Variants in ATP10B observed in about 807,000 individuals in gnomAD.
The protein encoded by ATP10B is ATPase phospholipid transporting 10B (putative).
Under a neutral mutation model 141.2 loss-of-function variants are expected in ATP10B, and 122 were observed. That is an observed-to-expected ratio of 0.86 (90% CI 0.75 to 1.00). ATP10B has a LOEUF of 1.00. Among genes scored for constraint, ATP10B ranks in the 50% least tolerant of loss-of-function variants. ATP10B has a pLI of 0.00. For missense variants in ATP10B, 1,876 were observed against 1,825.3 expected (o/e 1.03, Z -0.51); for synonymous variants, 685 against 692.0 (o/e 0.99, Z 0.16).
upstream of ATP10B, among the ~76,000 whole-genome samples, chr5:160,852,430 A>G (rs979090862): frequency 2.6e-5 from 4 of 152,248 alleles, no homozygotes; most frequent in African/African-American, 9.6e-5. Flanking sequence ...AATGCATGTA[A>G]TTAAGTGTGA....
intron 1 of ATP10B, among the ~76,000 whole-genome samples, chr5:160,835,681 A>G (rs1295130325): frequency 6.6e-6 from 1 of 152,166 alleles, no homozygotes; most frequent in African/African-American, 2.4e-5. Context: ...TCTGTCAAGC[A>G]GCTGTTGCTT....
At chr5:160,592,409 T>G (rs192289535) in intron 22 of ATP10B, among the ~76,000 whole-genome samples, 2 of 152,292 alleles carry the variant, frequency 1.3e-5, no homozygotes, top group Non-Finnish European at 2.9e-5. Context: ...TAATGTGTGA[T>G]ATAATTAAGA....
chr5:160,765,711 A>G (rs1053829093), intron 2 of ATP10B, among the ~76,000 whole-genome samples: 1 of 152,084 alleles, frequency 6.6e-6, no homozygotes, highest in Non-Finnish European at 1.5e-5. Context: ...AGATAAATAG[A>G]TGGAACTTAA....
chr5:160,798,236 C>T (rs191237712), intron 1 of ATP10B, among the ~76,000 whole-genome samples: 1 of 152,254 alleles, frequency 6.6e-6, no homozygotes, highest in Admixed American at 6.5e-5. Context: ...TAGAGCTCAG[C>T]TGGTGAAGTT....
At chr5:160,716,076 A>G (rs186397138) in intron 3 of ATP10B, among the ~76,000 whole-genome samples, 22 of 152,282 alleles carry the variant, frequency 1.4e-4, no homozygotes, top group African/African-American at 4.8e-4. Context: ...TCACATCTAT[A>G]TACATACCTT....
At chr5:160,855,892 A>G (rs1442973636), upstream of ATP10B, among the ~76,000 whole-genome samples, 1 of 151,786 alleles carries the variant, frequency 6.6e-6, no homozygotes, top group East Asian at 1.9e-4. Flanking sequence ...AAAAAAAAAA[A>G]TTAGTTGCAT....
rs77277909 is a variant in ATP10B, at chr5:160,603,273, C to T, written c.3238-571G>A. ...TAAACTTTGGTCTAATTCCCTGTGC[C>T]TCAGTTTCCCCATCTAAAAAATGGA... On this transcript the variant is annotated intron_variant, in intron 20 of 25. Transcript: ENST00000327245. 1,433 of 154,512 alleles carry T rather than the reference C, an allele frequency of 9.3e-3. 18 individuals carry two copies. Among genetic ancestry groups the T allele is most frequent in the African/African-American group, 0.033 (1,351 of 41,554 alleles). 9.6% of individuals were successfully genotyped at this position (154,512 alleles called of 1,614,324 possible).
intron 24 of ATP10B, among the ~76,000 whole-genome samples, chr5:160,585,291 T>C (rs889739447): frequency 6.6e-6 from 1 of 152,230 alleles, no homozygotes; most frequent in Non-Finnish European, 1.5e-5. Flanking sequence ...AATGACAATA[T>C]TTTATTTTCA....
At chr5:160,796,112 T>C (rs1431901339) in intron 1 of ATP10B, among the ~76,000 whole-genome samples, 2 of 151,982 alleles carry the variant, frequency 1.3e-5, no homozygotes, top group Non-Finnish European at 2.9e-5. Context: ...ATATTTAGAG[T>C]AAAAACAGAT....
chr5:160,672,297 T>C (rs1437506544), intron 6 of ATP10B, among the ~76,000 whole-genome samples: 1 of 152,076 alleles, frequency 6.6e-6, no homozygotes, highest in African/African-American at 2.4e-5. Flanking sequence ...TTCAAAGAAC[T>C]CTCATTTCAG....
chr5:160,641,879 A>C (rs1251509525), intron 9 of ATP10B, among the ~76,000 whole-genome samples: 3 of 152,192 alleles, frequency 2.0e-5, no homozygotes, highest in Admixed American at 6.5e-5. Flanking sequence ...GGAGCAAAAA[A>C]ACTCTAGGCT....
In ATP10B at chr5:160,563,243, T is replaced by C. The variant is rs185941175; in HGVS notation, c.*2210A>G. 9.8e-5 allele frequency: 15 copies of C among 152,286 alleles called. No homozygotes were observed. Among genetic ancestry groups the C allele is most frequent in the Non-Finnish European group, 1.6e-4 (11 of 68,012 alleles). 9.4% of individuals were successfully genotyped at this position (152,286 alleles called of 1,614,324 possible). ...TCATTAGCATTATGTTATAGGGGAA[T>C]AGTGGTTATAACTTTTCCCTGTAAG... On this transcript the variant is annotated 3_prime_UTR_variant, in exon 26 of 26. Coordinates refer to ENST00000327245, the MANE Select transcript of ATP10B (RefSeq NM_025153.3).
At position 160,565,856 on chromosome 5, in the gene ATP10B, A is replaced by T; in HGVS notation, c.3983T>A (p.Ile1328Asn). 1 of 1,613,716 alleles carries T rather than the reference A, an allele frequency of 6.2e-7. No homozygotes were observed. Among genetic ancestry groups the T allele is most frequent in the Non-Finnish European group, 8.5e-7 (1 of 1,179,894 alleles). ...SLQGTCGKSL[I>N]SKAQKIDKLP... ...TTTGTCAATTTTCTGAGCTTTTGAG[A>T]TTAGAGACTTCCCACAAGTTCCTTG... is the stretch of plus-strand genomic sequence containing the variant. Residue 1328 changes from isoleucine to asparagine, a missense_variant, in exon 26 of 26, where the codon ATC becomes AAC. Ile to Asn is a moderately radical substitution (Grantham distance 149). Transcript: ENST00000327245.
chr5:160,794,897 T>C (rs1238556966), intron 1 of ATP10B, among the ~76,000 whole-genome samples: 1 of 152,180 alleles, frequency 6.6e-6, no homozygotes, highest in Admixed American at 6.6e-5. Context: ...TTTATTGTTA[T>C]TGTTGTTGTC....
chr5:160,848,502 C>T (rs1753574516), intron 1 of ATP10B, among the ~76,000 whole-genome samples: 1 of 152,216 alleles, frequency 6.6e-6, no homozygotes, highest in Non-Finnish European at 1.5e-5. Context: ...AATACATTCA[C>T]TGCCATATCA....
At chr5:160,884,397 G>A in the ATP10B span, among the ~76,000 whole-genome samples, 1 of 152,198 alleles carries the variant, frequency 6.6e-6, no homozygotes, top group African/African-American at 2.4e-5. Context: ...GTATAAAGAT[G>A]TTAGGTAGTA....
At position 160,598,838 on chromosome 5, in the gene ATP10B, C is replaced by A; in HGVS notation, c.3496G>T (p.Asp1166Tyr). ...AGTGTTTCTGCAGAGATGTCTTTGT[C>A]AAGGACTCCAAAGACAAGAGGAGGC... Reference protein sequence around the residue: ...SLPPLVFGVLDKDISAETLLA... With the variant: ...SLPPLVFGVLYKDISAETLLA... The change falls in exon 22 of 26, where the codon GAC (aspartate) becomes TAC (tyrosine). Residue 1166 changes from aspartate to tyrosine, a missense_variant. Physicochemically the swap from Asp to Tyr is radical, Grantham distance 160 (BLOSUM62 -3). Coordinates refer to ENST00000327245, the MANE Select transcript of ATP10B (RefSeq NM_025153.3). 1 of 1,614,084 alleles carries A rather than the reference C, an allele frequency of 6.2e-7. No homozygotes were observed. Among genetic ancestry groups the A allele is most frequent in the South Asian group, 1.1e-5 (1 of 91,062 alleles).
chr5:160,905,909 A>C, the ATP10B span, among the ~76,000 whole-genome samples: 1 of 152,146 alleles, frequency 6.6e-6, no homozygotes, highest in Non-Finnish European at 1.5e-5. Context: ...TGTCTGGAGT[A>C]AGAGGAAGAA....
chr5:160,917,492 T>G, the ATP10B span, among the ~76,000 whole-genome samples: 1 of 152,086 alleles, frequency 6.6e-6, no homozygotes, highest in Admixed American at 6.5e-5. Context: ...TGGGGTGGTT[T>G]GGCAATGTCA....
Sources: gnomAD v4.1 joint callset for allele counts (sites outside exome capture counted in the v4.1 genomes callset) on GRCh38, gnomAD v4.1.1 for gene constraint, MANE v1.5 for transcripts, NCBI Gene and HGNC (gene_info 2026-07-23, HGNC 2026-07-21) for gene names.